The following RBFOX1 variants were observed in gnomAD, a reference collection of about 807,000 sequenced individuals.
RBFOX1 encodes the protein RNA binding protein fox-1 homolog 1.
A neutral mutation model predicts 57.7 loss-of-function variants in RBFOX1; 8 were observed. The ratio of observed to expected loss-of-function variants is 0.14; its 90% CI spans 0.08 to 0.25. The LOEUF (loss-of-function observed/expected upper bound fraction) is 0.25. Ranked by LOEUF, RBFOX1 falls within the 10% of genes least tolerant of loss-of-function variation. The pLI, the probability that RBFOX1 is intolerant of heterozygous loss-of-function variation, is 1.00. For missense variants in RBFOX1, 611 were observed against 548.5 expected (o/e 1.11, Z -1.14); for synonymous variants, 326 against 222.4 (o/e 1.47, Z -4.15).
intron 11 of RBFOX1, among the ~76,000 whole-genome samples, chr16:7,650,312 TC>T (rs1322597682): frequency 5.7e-5 from 7 of 122,504 alleles, no homozygotes; most frequent in African/African-American, 2.0e-4. Context: ...TGTGGAACTC[TC>T]TTTTTTTTTT....
chr16:7,680,715 G>C (rs144327017), intron 14 of RBFOX1, among the ~76,000 whole-genome samples: 2 of 152,204 alleles, frequency 1.3e-5, no homozygotes, highest in East Asian at 1.9e-4. Context: ...TACCTTTTTG[G>C]ATTCTGAGGC....
intron 1 of RBFOX1, among the ~76,000 whole-genome samples, chr16:6,158,672 A>G (rs182137472): frequency 9.5e-4 from 144 of 152,292 alleles, no homozygotes; most frequent in African/African-American, 3.4e-3. Flanking sequence ...AAGTCAGACA[A>G]AAGTCCATGT....
chr16:7,641,473 C>A (rs2062780322), intron 11 of RBFOX1, among the ~76,000 whole-genome samples: 1 of 152,154 alleles, frequency 6.6e-6, no homozygotes. Context: ...GTTTCAGAAC[C>A]AAACACCACA....
chr16:5,999,901 AAAAAAAGAGTG>A (rs1205916389), intron 4 of RBFOX1, among the ~76,000 whole-genome samples: 927 of 40,196 alleles, frequency 0.023, 249 homozygotes, highest in Middle Eastern at 0.042. Flanking sequence ...AAAAAAAAAA[AAAAAAAGAGTG>A]AAGAAGGGAA....
At chr16:7,408,876 A>G (rs1597690657) in intron 4 of RBFOX1, among the ~76,000 whole-genome samples, 1 of 147,192 alleles carries the variant, frequency 6.8e-6, no homozygotes, top group South Asian at 2.1e-4. Context: ...TATTCCCCAG[A>G]TAAGAACCAT....
intron 3 of RBFOX1, among the ~76,000 whole-genome samples, chr16:6,759,844 A>C (rs1484082358): frequency 3.3e-5 from 5 of 152,206 alleles, no homozygotes; most frequent in African/African-American, 1.2e-4. Flanking sequence ...AAGACAGTGG[A>C]AAATTACCCA....
At chr16:6,554,549 A>G (rs2097058010) in intron 2 of RBFOX1, among the ~76,000 whole-genome samples, 1 of 152,166 alleles carries the variant, frequency 6.6e-6, no homozygotes, top group Non-Finnish European at 1.5e-5. Flanking sequence ...ACTCTATCTC[A>G]ATAAAACTGG....
intron 2 of RBFOX1, among the ~76,000 whole-genome samples, chr16:6,633,559 G>T (rs2098407258): frequency 6.6e-6 from 1 of 152,146 alleles, no homozygotes; most frequent in Non-Finnish European, 1.5e-5. Context: ...CTCCCAATGT[G>T]CTGGGATTAC....
chr16:7,699,683 A>C (rs1390752389), intron 14 of RBFOX1, among the ~76,000 whole-genome samples: 1 of 152,192 alleles, frequency 6.6e-6, no homozygotes, highest in Non-Finnish European at 1.5e-5. Context: ...TGAGTTACAC[A>C]TTGTAGTGAT....
chr16:5,631,725 G>C (rs771271112), intron 3 of RBFOX1, among the ~76,000 whole-genome samples: 1 of 152,016 alleles, frequency 6.6e-6, no homozygotes. Flanking sequence ...ACTTAGTATT[G>C]AGTTTTGGCT....
At chr16:6,661,941 T>G (rs982807324) in intron 3 of RBFOX1, among the ~76,000 whole-genome samples, 1 of 152,220 alleles carries the variant, frequency 6.6e-6, no homozygotes, top group South Asian at 2.1e-4. Context: ...AATGGAATAT[T>G]ATTTAGCCAT....
chr16:6,888,929 A>G (rs905897525), intron 3 of RBFOX1, among the ~76,000 whole-genome samples: 3 of 152,200 alleles, frequency 2.0e-5, no homozygotes, highest in Non-Finnish European at 4.4e-5. Context: ...AAGCAGATAG[A>G]AACCTTTAAT....
intron 4 of RBFOX1, among the ~76,000 whole-genome samples, chr16:7,378,320 C>G (rs2097722787): frequency 1.3e-5 from 2 of 152,148 alleles, no homozygotes; most frequent in African/African-American, 4.8e-5. Context: ...AAGCTTCTAT[C>G]TTTCAGGGTC....
exon 2 of RBFOX1, chr16:5,467,218 T>G: frequency 6.7e-7 from 1 of 1,491,412 alleles, no homozygotes; most frequent in Non-Finnish European, 9.0e-7. Context: ...TAATGCAGGA[T>G]CTACTGTGCC....
At chr16:7,204,863 C>G (rs941216398) in intron 4 of RBFOX1, among the ~76,000 whole-genome samples, 1 of 152,118 alleles carries the variant, frequency 6.6e-6, no homozygotes, top group Admixed American at 6.5e-5. Flanking sequence ...CATTCTACTC[C>G]TTGGTTTTCT....
At chr16:7,386,060 A>G (rs1238039480) in intron 4 of RBFOX1, among the ~76,000 whole-genome samples, 1 of 151,890 alleles carries the variant, frequency 6.6e-6, no homozygotes, top group Non-Finnish European at 1.5e-5. Flanking sequence ...AAGTGCTGGG[A>G]TTGCAGGTGT....
intron 2 of RBFOX1, among the ~76,000 whole-genome samples, chr16:6,336,185 T>A (rs867097750): frequency 3.3e-3 from 88 of 26,798 alleles, no homozygotes; most frequent in South Asian, 8.6e-3. Context: ...ATATATATTT[T>A]TTTTTTTTTT....
intron 2 of RBFOX1, among the ~76,000 whole-genome samples, chr16:5,528,545 C>CTTTT (rs755227280): frequency 3.5e-5 from 4 of 115,266 alleles, no homozygotes; most frequent in African/African-American, 9.7e-5. Flanking sequence ...GACAGCTCTT[C>CTTTT]TTTTTTTTTT....
At chr16:7,284,782 A>G (rs1295252842) in intron 4 of RBFOX1, among the ~76,000 whole-genome samples, 4 of 152,204 alleles carry the variant, frequency 2.6e-5, no homozygotes, top group Non-Finnish European at 4.4e-5. Flanking sequence ...GCAAAATAAT[A>G]ACTCTGCACA....
Sources: allele counts gnomAD v4.1 joint callset (sites outside exome capture counted in the v4.1 genomes callset), GRCh38; gene constraint gnomAD v4.1.1; transcripts MANE v1.5; gene names NCBI Gene and HGNC (gene_info 2026-07-23, HGNC 2026-07-21).